The following ACE variants were observed in gnomAD, a reference collection of about 807,000 sequenced individuals.
The protein encoded by ACE is angiotensin-converting enzyme.
Under a neutral mutation model 162.3 loss-of-function variants are expected in ACE, and 122 were observed. The ratio of observed to expected loss-of-function variants is 0.75; its 90% CI spans 0.65 to 0.87. The LOEUF is 0.87. ACE is among the 40% of genes least tolerant of loss of function. ACE has a pLI of 0.00. For synonymous variants in ACE, 796 were observed against 720.6 expected (o/e 1.10, Z -1.68); for missense variants, 1,799 against 1,735.1 (o/e 1.04, Z -0.65).
In ACE at chr17:63,493,671, G is replaced by A. The variant is rs1433788605; in HGVS notation, c.3136+12G>A. ...GGGTGGCAGCGACGGTGAGAGAGAAGCGGGAGGCCCTGGTGGGCTGAGGAC... is the reference window on the plus strand; with the variant it reads ...GGGTGGCAGCGACGGTGAGAGAGAAACGGGAGGCCCTGGTGGGCTGAGGAC... On this transcript the variant is annotated intron_variant, in intron 20 of 24. Coordinates refer to ENST00000290866, the MANE Select transcript of ACE (RefSeq NM_000789.4). 1.2e-6 allele frequency: 2 copies of A among 1,613,526 alleles called. No homozygotes were observed. Among genetic ancestry groups the A allele is most frequent in the East Asian group, 2.2e-5 (1 of 44,880 alleles).
At chr17:63,496,745 G>T in intron 23 of ACE, 53 bp from the exon 24 acceptor site, 2 of 1,604,974 alleles carry the variant, frequency 1.2e-6, no homozygotes, top group Non-Finnish European at 1.7e-6. Flanking sequence ...TCAGGTGGGG[G>T]CAAGAGGGGC....
rs916837876 is a variant in ACE at position 63,478,607 on chromosome 17, G to A, written c.418-400G>A. ...GAGCCCAGGAGGTCAAGGCTACAGT[G>A]AGCTGTGATTGCACTACTGCACCCC... On this transcript the variant is annotated intron_variant, in intron 2 of 24. Coordinates refer to ENST00000290866, the MANE Select transcript of ACE (RefSeq NM_000789.4). 2.0e-5 allele frequency: 7 copies of A among 350,778 alleles called. No individual in the cohort carries two copies. In the Admixed American group the frequency reaches 2.3e-4, roughly 12 times the overall value. The allele number at this position is 350,778 out of a possible 1,614,324, so 21.7% of individuals were successfully genotyped here.
chr17:63,483,567 G>GCGGGGGGGGGGGGGCCCCCCCCCC lies in ACE; in HGVS notation c.1586+10_1586+11insGGGGGGGGGGGGGCCCCCCCCCCC. On this transcript the variant is annotated intron_variant, in intron 10 of 24. Transcript: ENST00000290866. ...GTGACACCATACATCAGGTATTAGC[G>GCGGGGGGGGGGGGGCCCCCCCCCC]CCCCCACCCCACCCACCCCCAGTAC... 1 of 1,589,542 alleles carries GCGGGGGGGGGGGGGCCCCCCCCCC rather than the reference G, an allele frequency of 6.3e-7. No individual in the cohort carries two copies. Among genetic ancestry groups the GCGGGGGGGGGGGGGCCCCCCCCCC allele is most frequent in the Non-Finnish European group, 8.6e-7 (1 of 1,165,668 alleles).
Position 63,496,798 on chromosome 17 carries a change from G to A in ACE, c.3504G>A (p.Ala1168=). The A allele has an allele frequency of 6.2e-7, 1 of 1,611,858 alleles. No homozygotes were observed. The change falls in exon 24 of 25, where the codon GCG becomes GCA. Residue 1168 remains alanine, a splice_region_variant and synonymous_variant. Coordinates refer to ENST00000290866, the MANE Select transcript of ACE (RefSeq NM_000789.4). ...GCCTCCCTGTCTCATGCCTCCCCAG[G>A]ACCGCCATGAAGCTGGGCTTCAGTA... ...YQSKEAGQRL[A]TAMKLGFSRP... is the part of the protein sequence containing the mutation.
At chr17:63,482,971 A>AG (rs1392490849) in intron 8 of ACE, 58 bp from the exon 9 acceptor site, 35 of 1,574,658 alleles carry the variant, frequency 2.2e-5, no homozygotes, top group Admixed American at 1.8e-4. Flanking sequence ...CCACACTCTT[A>AG]GGGGACCCTC....
chr17:63,478,494 C>T (rs936931844), intron 2 of ACE: 7 of 300,974 alleles, frequency 2.3e-5, no homozygotes, highest in Admixed American at 9.3e-5. Flanking sequence ...GGCAAAACCT[C>T]GTCTCTACAA....
chr17:63,492,791 G>A (rs2030467169), intron 19 of ACE, among the ~76,000 whole-genome samples: 1 of 152,236 alleles, frequency 6.6e-6, no homozygotes, highest in Non-Finnish European at 1.5e-5. Flanking sequence ...GGAAGCCGAG[G>A]CAGGAGGTCT....
At chr17:63,477,364 G>A (rs1456508559) in intron 1 of ACE, 21 bp downstream of exon 1, 2 of 1,252,796 alleles carry the variant, frequency 1.6e-6, no homozygotes, top group Non-Finnish European at 2.0e-6. Flanking sequence ...GGGCCCGGGC[G>A]GGGGCGGGGC....
In ACE at chr17:63,491,755, G is replaced by A. The variant is rs2030399967; in HGVS notation, c.2912+374G>A. ...GGCACACGAGGATGTTGGGTGCTCT[G>A]TACAGATCCACTCTCACCCCTGACA... On this transcript the variant is annotated intron_variant, in intron 19 of 24. Transcript: ENST00000290866. The surrounding 1 kb of genome is among the most constrained non-coding windows in gnomAD (Gnocchi z 4.4). Among the ~76,000 whole-genome samples, 1 of 152,186 alleles carries A rather than the reference G, an allele frequency of 6.6e-6. No individual in the cohort carries two copies. The highest frequency in any genetic ancestry group is 2.1e-4 in the South Asian group (1 of 4,828).
rs368583571 is a variant in ACE, at chr17:63,491,006, C to T, written c.2694C>T (p.Phe898=). ...ACATCTATGACTTGGTGGTGCCCTT[C>T]CCTTCAGCCCCCTCGATGGACACCA... ...WSNIYDLVVP[F]PSAPSMDTTE... Residue 898 remains phenylalanine, a synonymous_variant, in exon 18 of 25, where the codon TTC becomes TTT. Coordinates refer to ENST00000290866, the MANE Select transcript of ACE (RefSeq NM_000789.4). This position sits in a 1 kb window ranked among gnomAD's most constrained non-coding sequence, Gnocchi z 4.4. 19 of 1,614,104 alleles carry T rather than the reference C, an allele frequency of 1.2e-5. No individual in the cohort carries two copies. The African/African-American group carries it at 2.4e-4, about 20-fold the overall frequency.
chr17:63,479,284 TC>T (rs1473609209), intron 3 of ACE, among the ~76,000 whole-genome samples, 184 bp downstream of exon 3: 1 of 152,058 alleles, frequency 6.6e-6, no homozygotes, highest in African/African-American at 2.4e-5. Flanking sequence ...CAAGTGGACT[TC>T]CGGAATCTCC....
chr17:63,495,242 C>T (rs1302826839), intron 22 of ACE, among the ~76,000 whole-genome samples: 3 of 152,282 alleles, frequency 2.0e-5, no homozygotes, highest in Admixed American at 6.5e-5. Flanking sequence ...CTGTGTGCCC[C>T]GGGAGAGCAC....
At chr17:63,479,223 C>T in intron 3 of ACE, 123 bp downstream of exon 3, 3 of 828,066 alleles carry the variant, frequency 3.6e-6, no homozygotes, top group South Asian at 1.4e-5. Flanking sequence ...AGGTGTTGCC[C>T]TCCAACTGGG....
At chr17:63,493,356 G>A in intron 19 of ACE, 80 bp from the exon 20 acceptor site, 1 of 1,383,396 alleles carries the variant, frequency 7.2e-7, no homozygotes, top group Non-Finnish European at 1.0e-6. Context: ...CCTGGGTATA[G>A]CAAGGCCCAC....
In ACE at chr17:63,477,126, G is replaced by A; in HGVS notation, c.32G>A (p.Gly11Glu). The change falls in exon 1 of 25, where the codon GGG becomes GAG. Residue 11 changes from glycine (G) to glutamate (E), a missense_variant. Transcript: ENST00000290866. ...GCCGCCTCGGGCCGCCGGGGGCCGGGGCTGCTGCTGCCGCTGCCGCTGCTG... is the reference window on the plus strand; with the variant it reads ...GCCGCCTCGGGCCGCCGGGGGCCGGAGCTGCTGCTGCCGCTGCCGCTGCTG... MGAASGRRGP[G>E]LLLPLPLLLL... The A allele has an allele frequency of 7.1e-7, 1 of 1,402,196 alleles. No individual in the cohort carries two copies. The highest frequency in any genetic ancestry group is 1.5e-5 in the South Asian group (1 of 64,576). The allele number at this position is 1,402,196 out of a possible 1,614,324, so 86.9% of individuals were successfully genotyped here.
Position 63,481,806 on chromosome 17 carries a change from C to T in ACE, c.1118+68C>T, listed in dbSNP as rs922483314. ...GGGGCCCGGGGAAAGGCAGGCAGCC[C>T]AGGCGCAGGGAAGCTGGTTCCCAGG... On this transcript the variant is annotated intron_variant, in intron 7 of 24. Transcript: ENST00000290866. 1.6e-5 allele frequency: 25 copies of T among 1,605,502 alleles called. No individual in the cohort carries two copies. In the Admixed American group the frequency reaches 2.5e-4, roughly 16 times the overall value.
rs543250796 is a variant in ACE at position 63,484,158 on chromosome 17, C to A, written c.1710-172C>A. On this transcript the variant is annotated intron_variant, in intron 11 of 24. Transcript: ENST00000290866. The surrounding 1 kb of genome is among the most constrained non-coding windows in gnomAD (Gnocchi z 4.0). ...AGTGGGCCTTCTGGCTGGCATGGGG[C>A]GACACAAATGCCCCCTGCCACCATC... Among the ~76,000 whole-genome samples, 3 of 152,192 alleles carry A rather than the reference C, an allele frequency of 2.0e-5. No homozygotes were observed. Among genetic ancestry groups the A allele is most frequent in the Non-Finnish European group, 4.4e-5 (3 of 68,026 alleles).
Position 63,481,602 on chromosome 17 carries a change from G to C in ACE, c.982G>C (p.Glu328Gln). The stretch of plus-strand genomic sequence containing the variant: ...CACGCACATGTTCCGGGTGGCAGAG[G>C]AGTTCTTCACCTCCCTGGAGCTCTC... ...NATHMFRVAEEFFTSLELSPM... is the reference protein window; with the variant it reads ...NATHMFRVAEQFFTSLELSPM... The change falls in exon 7 of 25, where the codon GAG becomes CAG. Residue 328 changes from glutamate to glutamine, a missense_variant. Transcript: ENST00000290866. The C allele has an allele frequency of 6.2e-7, 1 of 1,614,052 alleles. No individual in the cohort carries two copies. The highest frequency in any genetic ancestry group is 8.5e-7 in the Non-Finnish European group (1 of 1,180,024).
intron 13 of ACE, chr17:63,485,761 C>T (rs1056401022): frequency 1.0e-3 from 158 of 155,584 alleles, no homozygotes; most frequent in Non-Finnish European, 1.6e-3. Context: ...GGCGACAGAG[C>T]GAGACTCCAT....
Sources: gnomAD v4.1 joint callset for allele counts (sites outside exome capture counted in the v4.1 genomes callset) on GRCh38, gnomAD v4.1.1 for gene constraint, Gnocchi (gnomAD v3.1) non-coding constraint, MANE v1.5 for transcripts, NCBI Gene and HGNC (gene_info 2026-07-23, HGNC 2026-07-21) for gene names.